The following TRAK1 variants were observed in gnomAD, a reference collection of about 807,000 sequenced individuals.
TRAK1 encodes the protein trafficking kinesin protein 1.
In TRAK1, 33 loss-of-function variants were observed where a neutral mutation model predicts 92.1. The observed-to-expected ratio is 0.36, with a 90% CI of 0.27 to 0.48. TRAK1 has a LOEUF of 0.48. Ranked by LOEUF, TRAK1 falls within the 20% of genes least tolerant of loss-of-function variation. TRAK1 has a pLI of 0.99. For synonymous variants in TRAK1, 521 were observed against 517.3 expected (o/e 1.01, Z -0.10); for missense variants, 1,123 against 1,257.9 (o/e 0.89, Z 1.62).
intron 1 of TRAK1, among the ~76,000 whole-genome samples, chr3:42,122,637 A>T (rs569331843): frequency 1.3e-5 from 2 of 152,288 alleles, no homozygotes; most frequent in African/African-American, 4.8e-5. Flanking sequence ...GATGAACTTC[A>T]TGGGAACTCA....
At chr3:42,046,412 C>T (rs892737224) in intron 1 of TRAK1, among the ~76,000 whole-genome samples, 10 of 151,366 alleles carry the variant, frequency 6.6e-5, no homozygotes, top group Admixed American at 6.6e-4. Flanking sequence ...GAGGCCATAA[C>T]CTGGGAAGGT....
chr3:42,174,690 T>TTA lies in TRAK1; in HGVS notation c.287-2115_287-2114dup, dbSNP rs1035715325. Among the ~76,000 whole-genome samples the TTA allele has an allele frequency of 6.1e-4, 90 of 148,182 alleles. 1 individual carries two copies. The highest frequency in any genetic ancestry group is 1.2e-3 in the Non-Finnish European group (79 of 67,214). The stretch of plus-strand genomic sequence containing the variant: ...ACAAAATTTTTATATATATGCAAAA[T>TTA]TATATATATACAAAAATATATATAA... On this transcript the variant is annotated intron_variant, in intron 2 of 15. Coordinates refer to ENST00000327628, the MANE Select transcript of TRAK1 (RefSeq NM_001042646.3).
At chr3:42,160,184 A>G in intron 2 of TRAK1, 1 of 1,178,668 alleles carries the variant, frequency 8.5e-7, no homozygotes, top group Non-Finnish European at 1.1e-6. Flanking sequence ...ATGCTGGGCC[A>G]GGAGCTTTGT....
chr3:42,211,346 C>T (rs2149512075), intron 14 of TRAK1: 1 of 985,204 alleles, frequency 1.0e-6, no homozygotes, highest in South Asian at 4.7e-5. Flanking sequence ...ATTTGTTTAG[C>T]ACATAGGTTT....
In TRAK1 at chr3:42,207,848, A is replaced by G. The variant is rs564046283; in HGVS notation, c.1745-1919A>G. 2.2e-4 allele frequency among the ~76,000 whole-genome samples: 34 copies of G among 152,320 alleles called. No individual in the cohort carries two copies. The South Asian group carries it at 7.1e-3, about 32-fold the overall frequency. On this transcript the variant is annotated intron_variant, in intron 13 of 15. Transcript: ENST00000327628. ...TCTGAGAGTTAAGAACCACAGCTCTAGAGAAAGGCTTCTCAATCCCAGCCC... is the reference window on the plus strand; with the variant it reads ...TCTGAGAGTTAAGAACCACAGCTCTGGAGAAAGGCTTCTCAATCCCAGCCC...
At chr3:42,169,145 T>C (rs1236536348) in intron 2 of TRAK1, among the ~76,000 whole-genome samples, 2 of 56,182 alleles carry the variant, frequency 3.6e-5, no homozygotes, top group African/African-American at 7.7e-5. Flanking sequence ...TTTCTTTCTT[T>C]CTTTTTTTTT....
intron 2 of TRAK1, among the ~76,000 whole-genome samples, chr3:42,150,762 A>G (rs1313976504): frequency 6.6e-6 from 1 of 152,226 alleles, no homozygotes; most frequent in African/African-American, 2.4e-5. Flanking sequence ...AAACTATGCC[A>G]GTTCAATCTC....
chr3:42,198,215 C>G (rs1480411399), intron 10 of TRAK1, among the ~76,000 whole-genome samples: 3 of 152,200 alleles, frequency 2.0e-5, no homozygotes, highest in Non-Finnish European at 2.9e-5. Context: ...TCCTACAGTG[C>G]TGAGTGATGG....
intron 1 of TRAK1, among the ~76,000 whole-genome samples, chr3:42,121,131 C>T (rs1049069372): frequency 2.8e-4 from 42 of 152,166 alleles, no homozygotes; most frequent in Admixed American, 1.6e-3. Flanking sequence ...CAAGATGTGC[C>T]GCAGCCCTCG....
At chr3:42,175,538 G>A (rs948645071) in intron 2 of TRAK1, among the ~76,000 whole-genome samples, 7 of 152,272 alleles carry the variant, frequency 4.6e-5, no homozygotes, top group South Asian at 2.1e-4. Context: ...GAGGGGTCTT[G>A]TCTGCTGGCT....
chr3:42,040,835 T>C (rs960221927), intron 1 of TRAK1, among the ~76,000 whole-genome samples: 1 of 152,110 alleles, frequency 6.6e-6, no homozygotes, highest in African/African-American at 2.4e-5. Flanking sequence ...TGCACCACCA[T>C]GCCTGGCTAA....
At chr3:42,151,798 CCT>C (rs1465851811) in intron 2 of TRAK1, among the ~76,000 whole-genome samples, 2 of 152,278 alleles carry the variant, frequency 1.3e-5, no homozygotes, top group Middle Eastern at 6.8e-3. Flanking sequence ...CTTTTATTTG[CCT>C]CTGTCTTTTT....
chr3:42,056,700 G>C (rs747616716), intron 1 of TRAK1, among the ~76,000 whole-genome samples: 1 of 151,998 alleles, frequency 6.6e-6, no homozygotes, highest in Non-Finnish European at 1.5e-5. Flanking sequence ...TTTTAATATT[G>C]TCCCAAGTGC....
intron 1 of TRAK1, among the ~76,000 whole-genome samples, chr3:42,107,566 G>A (rs1375813539): frequency 6.6e-6 from 1 of 151,736 alleles, no homozygotes; most frequent in African/African-American, 2.4e-5. Flanking sequence ...AACTTCATCT[G>A]AACTCCCAGA....
chr3:42,106,314 G>A (rs938112710), intron 1 of TRAK1, among the ~76,000 whole-genome samples: 112 of 152,086 alleles, frequency 7.4e-4, no homozygotes, highest in Non-Finnish European at 1.5e-4. Flanking sequence ...AAAATAAAAG[G>A]ATGGAGGAAG....
intron 1 of TRAK1, among the ~76,000 whole-genome samples, chr3:42,039,513 A>G (rs1702455840): frequency 6.6e-6 from 1 of 152,140 alleles, no homozygotes; most frequent in South Asian, 2.1e-4. Flanking sequence ...GCAGGTGCAC[A>G]CCAACATGCC....
chr3:42,078,752 C>CAAAAAA (rs748321736), intron 1 of TRAK1, among the ~76,000 whole-genome samples: 6 of 49,626 alleles, frequency 1.2e-4, no homozygotes, highest in African/African-American at 3.2e-4. Context: ...GATTCCATCT[C>CAAAAAA]AAAAAAAAAA....
At chr3:42,077,307 G>A (rs980665899) in intron 1 of TRAK1, among the ~76,000 whole-genome samples, 6 of 151,770 alleles carry the variant, frequency 4.0e-5, no homozygotes, top group Non-Finnish European at 7.4e-5. Flanking sequence ...TTTTTACCTC[G>A]AGGCAGAGTC....
At chr3:42,185,236 G>C (rs1269464759) in intron 4 of TRAK1, among the ~76,000 whole-genome samples, 1 of 152,208 alleles carries the variant, frequency 6.6e-6, no homozygotes, top group Non-Finnish European at 1.5e-5. Flanking sequence ...TGGGCAGCTG[G>C]AGAAGGAGCC....
Sources: gnomAD v4.1 joint callset for allele counts (sites outside exome capture counted in the v4.1 genomes callset) on GRCh38, gnomAD v4.1.1 for gene constraint, MANE v1.5 for transcripts, NCBI Gene and HGNC (gene_info 2026-07-23, HGNC 2026-07-21) for gene names.